Variants in SLC44A5 observed in about 807,000 individuals in gnomAD.
The protein encoded by SLC44A5 is choline transporter-like protein 5.
In SLC44A5, 57 loss-of-function variants were observed where a neutral mutation model predicts 101.8. The ratio of observed to expected loss-of-function variants is 0.56; its 90% confidence interval spans 0.45 to 0.70. SLC44A5 has a LOEUF of 0.70. Among genes scored for constraint, SLC44A5 ranks in the 30% least tolerant of loss-of-function variants. The pLI, the probability that SLC44A5 is intolerant of heterozygous loss-of-function variation, is 0.00. For synonymous variants in SLC44A5, 281 were observed against 290.9 expected, an observed-to-expected ratio of 0.97 and a Z score of 0.35; for missense variants, 737 against 853.1, an observed-to-expected ratio of 0.86 and a Z score of 1.70.
At chr1:75,643,022 T>C in the SLC44A5 span, among the ~76,000 whole-genome samples, 1 of 152,142 alleles carries the variant, frequency 6.6e-6, no homozygotes, top group Non-Finnish European at 1.5e-5. Flanking sequence ...TGGCATATTA[T>C]TTTCTCATGA....
chr1:75,623,604 T>A, the SLC44A5 span, among the ~76,000 whole-genome samples: 1 of 152,106 alleles, frequency 6.6e-6, no homozygotes, highest in Non-Finnish European at 1.5e-5. Flanking sequence ...TTTTTTAAAA[T>A]GGACCATCTT....
intron 4 of SLC44A5, among the ~76,000 whole-genome samples, chr1:75,334,333 C>T (rs1202023443): frequency 1.3e-5 from 2 of 152,000 alleles, no homozygotes; most frequent in Non-Finnish European, 2.9e-5. Flanking sequence ...AGGATGGACT[C>T]AATCCTGAAA....
At chr1:75,357,100 C>G in intron 3 of SLC44A5, 2 of 430,632 alleles carry the variant, frequency 4.6e-6, no homozygotes, top group East Asian at 7.2e-5. Context: ...GAACTGAAAT[C>G]AATTTTAATT....
chr1:75,722,372 G>A, the SLC44A5 span, among the ~76,000 whole-genome samples: 4 of 152,256 alleles, frequency 2.6e-5, no homozygotes, highest in African/African-American at 7.2e-5. Context: ...ATTGGAGGCC[G>A]AAACAATGAG....
the SLC44A5 span, among the ~76,000 whole-genome samples, chr1:75,679,004 G>C: frequency 3.3e-5 from 5 of 152,162 alleles, no homozygotes; most frequent in Non-Finnish European, 7.3e-5. Flanking sequence ...CTGGAAGACA[G>C]GGTATCAGCG....
chr1:75,243,161 C>CT, intron 7 of SLC44A5, 150 bp from the exon 8 acceptor site: 1 of 1,002,608 alleles, frequency 1.0e-6, no homozygotes. Context: ...TGCTCTCTCT[C>CT]TTTTTCTTTC....
intron 2 of SLC44A5, among the ~76,000 whole-genome samples, chr1:75,475,057 A>G (rs999784380): frequency 3.3e-5 from 5 of 152,218 alleles, no homozygotes; most frequent in African/African-American, 1.2e-4. Context: ...CAGGAAGTGA[A>G]ATGAGGAGCC....
chr1:75,536,938 G>A (rs1183223181), intron 2 of SLC44A5, among the ~76,000 whole-genome samples: 5 of 129,270 alleles, frequency 3.9e-5, no homozygotes, highest in African/African-American at 5.6e-5. Context: ...CCCGGGAGGC[G>A]GAGCTTGCAG....
chr1:75,426,048 T>TA (rs35067871), intron 2 of SLC44A5, among the ~76,000 whole-genome samples: 37,504 of 152,056 alleles, frequency 0.25, 4,849 homozygotes, highest in African/African-American at 0.31. Context: ...TCAGAGGTGT[T>TA]ACAGGATTTA....
At chr1:75,256,072 G>C (rs1649995549) in intron 6 of SLC44A5, among the ~76,000 whole-genome samples, 1 of 151,924 alleles carries the variant, frequency 6.6e-6, no homozygotes, top group African/African-American at 2.4e-5. Context: ...TTGGGATATA[G>C]GAAACAATAA....
At position 75,352,666 on chromosome 1, in the gene SLC44A5, A is replaced by G. The variant is rs551660493; in HGVS notation, c.53-13036T>C. ...TGTCTTGACAAAGATATGGAGTCTT[A>G]TACACTGCTAGTGAGAATAAAAATT... On this transcript the variant is annotated intron_variant, in intron 3 of 23. Coordinates refer to ENST00000370859, the MANE Select transcript of SLC44A5 (RefSeq NM_001130058.2). Among the ~76,000 whole-genome samples the G allele has an allele frequency of 1.1e-3, 163 of 152,204 alleles. 1 individual carries two copies. Among genetic ancestry groups the G allele is most frequent in the Non-Finnish European group, 2.0e-3 (135 of 68,036 alleles).
At chr1:75,222,073 C>A (rs1241735709) in intron 14 of SLC44A5, among the ~76,000 whole-genome samples, 1 of 151,650 alleles carries the variant, frequency 6.6e-6, no homozygotes, top group African/African-American at 2.4e-5. Context: ...ATTCTCCTGC[C>A]TCAGCCTCCC....
At position 75,379,128 on chromosome 1, in the gene SLC44A5, C is replaced by T. The variant is rs1241411976; in HGVS notation, c.52+17455G>A. Among the ~76,000 whole-genome samples, 14 of 75,878 alleles carry T rather than the reference C, an allele frequency of 1.8e-4. 4 individuals are homozygous for T. Among genetic ancestry groups the T allele is most frequent in the African/African-American group, 5.3e-4 (5 of 9,358 alleles). 49.8% of individuals were successfully genotyped at this position (75,878 alleles called of 152,430 possible). A position where few individuals can be genotyped will look rare whatever the true frequency, so the allele number is the denominator to read the frequency against. ...GTTGAGGCCAGATACAAGTCTTTTT[C>T]GATAAAAATGCTAAAAGATATGAAA... On this transcript the variant is annotated intron_variant, in intron 3 of 23. Transcript: ENST00000370859.
intron 2 of SLC44A5, among the ~76,000 whole-genome samples, chr1:75,402,022 TGAA>T (rs1409823562): frequency 1.3e-5 from 2 of 148,744 alleles, no homozygotes; most frequent in East Asian, 3.9e-4. Context: ...TCACCAAGAG[TGAA>T]GAAAGTTGAT....
chr1:75,703,558 G>T, the SLC44A5 span, among the ~76,000 whole-genome samples: 2 of 151,836 alleles, frequency 1.3e-5, no homozygotes, highest in African/African-American at 4.8e-5. Context: ...TATACCTAAT[G>T]TTAAGTGATG....
chr1:75,348,047 G>A (rs1360761527), intron 3 of SLC44A5, among the ~76,000 whole-genome samples: 3 of 152,056 alleles, frequency 2.0e-5, no homozygotes, highest in African/African-American at 7.2e-5. Flanking sequence ...CTTCCATGAT[G>A]CCAGTAGTAG....
intron 1 of SLC44A5, among the ~76,000 whole-genome samples, chr1:75,589,206 CAT>C (rs35144360): frequency 0.34 from 52,193 of 151,924 alleles, 9,340 homozygotes; most frequent in Non-Finnish European, 0.4. Flanking sequence ...AATTCCATAA[CAT>C]GTGGTAAAAA....
intron 5 of SLC44A5, among the ~76,000 whole-genome samples, chr1:75,287,459 A>G (rs1469058670): frequency 1.9e-5 from 2 of 105,062 alleles, no homozygotes; most frequent in Non-Finnish European, 3.7e-5. Context: ...TGGCAATTCA[A>G]AGACTTGGTT....
intron 3 of SLC44A5, among the ~76,000 whole-genome samples, chr1:75,395,780 T>G (rs1396882168): frequency 1.3e-5 from 2 of 152,154 alleles, no homozygotes; most frequent in African/African-American, 2.4e-5. Context: ...CTTGCTATGG[T>G]GATCACCGTT....
Sources: gnomAD v4.1 joint callset for allele counts (sites outside exome capture counted in the v4.1 genomes callset) on GRCh38, gnomAD v4.1.1 for gene constraint, MANE v1.5 for transcripts, NCBI Gene and HGNC (gene_info 2026-07-23, HGNC 2026-07-21) for gene names.